PCDH9: variants seen among roughly 807,000 people sequenced by gnomAD.
PCDH9 encodes protocadherin 9.
A neutral mutation model predicts 70.6 loss-of-function variants in PCDH9; 24 were observed. The observed-to-expected ratio is 0.34, with a 90% confidence interval of 0.25 to 0.48. The LOEUF (loss-of-function observed/expected upper bound fraction) is 0.48, where lower values mean the gene tolerates loss of function less well. Among genes scored for constraint, PCDH9 ranks in the 20% least tolerant of loss-of-function variants. The probability of loss-of-function intolerance (pLI) is 0.99; values close to 1 mark genes in which losing one functional copy is unlikely to be tolerated. For missense variants in PCDH9, 1,281 were observed against 1,503.6 expected (o/e 0.85, Z 2.45); for synonymous variants, 562 against 558.5 (o/e 1.01, Z -0.09).
intron 3 of PCDH9, among the ~76,000 whole-genome samples, chr13:66,734,814 G>A (rs1486318140): frequency 2.0e-5 from 3 of 152,088 alleles, no homozygotes; most frequent in South Asian, 2.1e-4. Flanking sequence ...CCAAGTGGAA[G>A]AGAAATAAAT....
intron 3 of PCDH9, among the ~76,000 whole-genome samples, chr13:66,778,049 G>A (rs1240001223): frequency 0.013 from 1,912 of 148,160 alleles, 36 homozygotes; most frequent in African/African-American, 0.045. Flanking sequence ...ACCAAGCACT[G>A]CATATTCTCA....
chr13:66,566,225 T>C (rs1191160938), intron 4 of PCDH9, among the ~76,000 whole-genome samples: 1 of 152,160 alleles, frequency 6.6e-6, no homozygotes, highest in Non-Finnish European at 1.5e-5. Flanking sequence ...AAATACTTTG[T>C]AGGAATGTGC....
chr13:67,165,831 C>T (rs1004752564), intron 2 of PCDH9, among the ~76,000 whole-genome samples: 3 of 152,054 alleles, frequency 2.0e-5, no homozygotes, highest in African/African-American at 7.2e-5. Context: ...TGGACATTTG[C>T]ATTTTTTCAT....
chr13:66,841,205 C>T (rs928324868), intron 3 of PCDH9, among the ~76,000 whole-genome samples: 12 of 152,112 alleles, frequency 7.9e-5, no homozygotes, highest in African/African-American at 1.7e-4. Flanking sequence ...AAGAAAATGA[C>T]GATGAGTTTT....
chr13:66,385,586 ATAACTAATCAGACT>A (rs1404486568), intron 4 of PCDH9, among the ~76,000 whole-genome samples: 6 of 152,176 alleles, frequency 3.9e-5, no homozygotes, highest in African/African-American at 1.2e-4. Context: ...TGTAATGGAA[ATAACTAATCAGACT>A]TAAGATGATA....
At chr13:67,088,561 C>T (rs2086155511) in intron 2 of PCDH9, among the ~76,000 whole-genome samples, 1 of 152,000 alleles carries the variant, frequency 6.6e-6, no homozygotes, top group South Asian at 2.1e-4. Context: ...ATTTAAACAT[C>T]TGACAGATTG....
At chr13:66,667,810 A>C (rs898549739) in intron 3 of PCDH9, among the ~76,000 whole-genome samples, 8 of 152,152 alleles carry the variant, frequency 5.3e-5, no homozygotes, top group African/African-American at 1.9e-4. Context: ...ATTTGAAGGG[A>C]ACCTATACTT....
chr13:66,823,476 C>A (rs937830656), intron 3 of PCDH9, among the ~76,000 whole-genome samples: 1 of 151,572 alleles, frequency 6.6e-6, no homozygotes, highest in Admixed American at 6.6e-5. Context: ...ATTGAATTTG[C>A]AGTATATATA....
chr13:66,560,143 T>C (rs777960317), intron 4 of PCDH9, among the ~76,000 whole-genome samples: 3 of 152,084 alleles, frequency 2.0e-5, no homozygotes, highest in Non-Finnish European at 4.4e-5. Context: ...GAACACTTCC[T>C]TACCAACAGA....
intron 3 of PCDH9, among the ~76,000 whole-genome samples, chr13:66,855,971 A>T (rs1008696959): frequency 6.6e-6 from 1 of 152,036 alleles, no homozygotes; most frequent in Non-Finnish European, 1.5e-5. Flanking sequence ...TCTCAAAAAA[A>T]TTATGAACAT....
At chr13:66,892,734 A>G (rs554576040) in intron 3 of PCDH9, among the ~76,000 whole-genome samples, 1 of 152,228 alleles carries the variant, frequency 6.6e-6, no homozygotes, top group East Asian at 1.9e-4. Context: ...ATTTGAATGA[A>G]TATTCATTTG....
intron 4 of PCDH9, among the ~76,000 whole-genome samples, chr13:66,480,998 A>C (rs1010863209): frequency 3.9e-5 from 6 of 152,172 alleles, no homozygotes; most frequent in African/African-American, 1.2e-4. Context: ...GGATGAGTTC[A>C]TGTCCTTTGC....
At chr13:66,869,582 A>G (rs1028766058) in intron 3 of PCDH9, among the ~76,000 whole-genome samples, 24 of 152,146 alleles carry the variant, frequency 1.6e-4, no homozygotes, top group African/African-American at 5.5e-4. Flanking sequence ...GTTCTCTAAC[A>G]TAATTATTTT....
At chr13:66,406,598 C>T (rs990867081) in intron 4 of PCDH9, among the ~76,000 whole-genome samples, 5 of 152,110 alleles carry the variant, frequency 3.3e-5, no homozygotes, top group African/African-American at 4.8e-5. Context: ...TATTCATCTT[C>T]GTGTGGCTTG....
intron 4 of PCDH9, among the ~76,000 whole-genome samples, chr13:66,319,177 C>A (rs1248537102): frequency 6.6e-6 from 1 of 152,052 alleles, no homozygotes; most frequent in African/African-American, 2.4e-5. Context: ...GAGGAAATTT[C>A]AAACACTTAT....
At chr13:66,545,123 A>G (rs1051952725) in intron 4 of PCDH9, among the ~76,000 whole-genome samples, 8 of 152,150 alleles carry the variant, frequency 5.3e-5, no homozygotes, top group Non-Finnish European at 1.0e-4. Context: ...ATTGAATAAG[A>G]AAAACAAGGT....
At chr13:67,195,046 A>T (rs1448180460) in intron 2 of PCDH9, among the ~76,000 whole-genome samples, 1 of 152,100 alleles carries the variant, frequency 6.6e-6, no homozygotes, top group East Asian at 1.9e-4. Context: ...CCGTAAGAGG[A>T]TGTTATCCCT....
At chr13:66,807,937 T>C (rs1057308325) in intron 3 of PCDH9, among the ~76,000 whole-genome samples, 7 of 152,148 alleles carry the variant, frequency 4.6e-5, no homozygotes, top group Non-Finnish European at 7.3e-5. Flanking sequence ...ATTTTCTCAA[T>C]GCATCCTCAG....
rs1415200898 is a variant in PCDH9 at position 66,631,384 on chromosome 13, G to A, written c.3166C>T (p.Pro1056Ser). Residue 1056 changes from proline to serine, a missense_variant, in exon 4 of 5, where the codon CCT (proline) becomes TCT (serine). By Grantham distance (74) the Pro-to-Ser change is moderately conservative (BLOSUM62 -1). Coordinates refer to ENST00000377865, the MANE Select transcript of PCDH9 (RefSeq NM_203487.3). ...ESQRRVTFHL[P>S]DGSQESCSDS... is the part of the protein sequence containing the mutation. ...CTGCAGCTTTCCTGGGAGCCATCAG[G>A]GAGATGAAACGTAACACGGCGCTGC... 6.2e-7 allele frequency: 1 copy of A among 1,611,800 alleles called. No homozygotes were observed. The highest frequency in any genetic ancestry group is 1.7e-5 in the Admixed American group (1 of 60,000).
Sources: gnomAD v4.1 joint callset for allele counts (sites outside exome capture counted in the v4.1 genomes callset) on GRCh38, gnomAD v4.1.1 for gene constraint, MANE v1.5 for transcripts, NCBI Gene and HGNC (gene_info 2026-07-23, HGNC 2026-07-21) for gene names.